Variants in FHL2 observed in about 807,000 individuals in gnomAD.
The protein encoded by FHL2 is four and a half LIM domains protein 2.
In FHL2, 20 loss-of-function variants were observed where a neutral mutation model predicts 32.7. The ratio of observed to expected loss-of-function variants is 0.61; its 90% confidence interval spans 0.43 to 0.89. The LOEUF is 0.89. Among genes scored for constraint, FHL2 ranks in the 40% least tolerant of loss-of-function variants. The pLI is 0.00. For synonymous variants in FHL2, 123 were observed against 128.1 expected (o/e 0.96, Z 0.27); for missense variants, 311 against 358.6 (o/e 0.87, Z 1.07).
At position 105,386,311 on chromosome 2, in the gene FHL2, C is replaced by T. The variant is rs375403307; in HGVS notation, c.156+50G>A. The T allele has an allele frequency of 1.0e-5, 16 of 1,592,830 alleles. No individual in the cohort carries two copies. In the African/African-American group the frequency reaches 1.7e-4, roughly 17 times the overall value. On this transcript the variant is annotated intron_variant, in intron 3 of 6. Transcript: ENST00000530340. ...CTTCAGCACAAACCACAGAGAAACC[C>T]GTGTTTCCTAGGGGAGCGCCGGGGA...
intron 6 of FHL2, chr2:105,363,082 G>A: frequency 1.7e-6 from 1 of 572,858 alleles, no homozygotes; most frequent in Non-Finnish European, 3.2e-6. Context: ...GATCAGGTGG[G>A]CTGCAGAGGA....
chr2:105,411,470 C>A (rs1199903845), intron 1 of FHL2, among the ~76,000 whole-genome samples: 1 of 140,578 alleles, frequency 7.1e-6, no homozygotes, highest in Non-Finnish European at 1.5e-5. Context: ...AGATGGAATT[C>A]TTTTTTCCTA....
At chr2:105,400,266 A>G (rs538867952), upstream of FHL2, among the ~76,000 whole-genome samples, 1 of 152,322 alleles carries the variant, frequency 6.6e-6, no homozygotes, top group African/African-American at 2.4e-5. Flanking sequence ...TAAGTATATT[A>G]CGGGATCAGA....
intron 5 of FHL2, among the ~76,000 whole-genome samples, chr2:105,363,872 A>G (rs1268842298): frequency 6.6e-6 from 1 of 152,206 alleles, no homozygotes; most frequent in Non-Finnish European, 1.5e-5. Context: ...TGTGGCTGGG[A>G]GCAGGTCATG....
chr2:105,407,713 G>A (rs1248664046), intron 1 of FHL2, among the ~76,000 whole-genome samples: 1 of 152,154 alleles, frequency 6.6e-6, no homozygotes, highest in Non-Finnish European at 1.5e-5. Context: ...TGTGCATGTG[G>A]ACGTTCTTGG....
At chr2:105,422,001 G>T (rs1165833431) in intron 1 of FHL2, among the ~76,000 whole-genome samples, 2 of 152,194 alleles carry the variant, frequency 1.3e-5, no homozygotes, top group Non-Finnish European at 2.9e-5. Flanking sequence ...CTGGGGTCCT[G>T]TTGCGTGCAT....
chr2:105,429,569 A>C (rs530951185), intron 1 of FHL2, among the ~76,000 whole-genome samples: 6 of 152,322 alleles, frequency 3.9e-5, no homozygotes, highest in Admixed American at 3.9e-4. Flanking sequence ...GTGGGGAAAC[A>C]TTCCTTCTCT....
chr2:105,381,697 G>A (rs1291700882), intron 3 of FHL2, among the ~76,000 whole-genome samples: 1 of 152,108 alleles, frequency 6.6e-6, no homozygotes, highest in African/African-American at 2.4e-5. Flanking sequence ...TTGTCTTTTA[G>A]GAGGAAATCC....
chr2:105,429,564 G>A (rs1684365672), intron 1 of FHL2, among the ~76,000 whole-genome samples: 1 of 152,194 alleles, frequency 6.6e-6, no homozygotes, highest in African/African-American at 2.4e-5. Context: ...AAAAGGTGGG[G>A]AAACATTCCT....
chr2:105,372,854 G>A (rs560887076), intron 4 of FHL2, among the ~76,000 whole-genome samples: 2 of 152,200 alleles, frequency 1.3e-5, no homozygotes, highest in South Asian at 4.2e-4. Context: ...ACCGCACCCA[G>A]CTTCTTTCTG....
At chr2:105,416,806 T>C (rs1024946509) in intron 1 of FHL2, among the ~76,000 whole-genome samples, 3 of 152,214 alleles carry the variant, frequency 2.0e-5, no homozygotes, top group African/African-American at 7.2e-5. Flanking sequence ...ATGCTAATTT[T>C]CACCTGAAAA....
At chr2:105,389,519 C>T (rs979215167) in intron 2 of FHL2, among the ~76,000 whole-genome samples, 1 of 152,132 alleles carries the variant, frequency 6.6e-6, no homozygotes, top group East Asian at 1.9e-4. Flanking sequence ...GAAATAAGAA[C>T]GATGAAAGGA....
chr2:105,417,891 C>T (rs1226511890), intron 1 of FHL2, among the ~76,000 whole-genome samples: 1 of 151,956 alleles, frequency 6.6e-6, no homozygotes, highest in Non-Finnish European at 1.5e-5. Context: ...ACCTTGATTC[C>T]TGCTAAGGCA....
At chr2:105,428,664 T>C (rs1684334774) in intron 1 of FHL2, among the ~76,000 whole-genome samples, 1 of 152,206 alleles carries the variant, frequency 6.6e-6, no homozygotes, top group African/African-American at 2.4e-5. Context: ...GGCTGGTTCC[T>C]GGAGCTTCTA....
intron 1 of FHL2, among the ~76,000 whole-genome samples, chr2:105,430,251 G>A (rs916398762): frequency 3.9e-5 from 6 of 152,188 alleles, no homozygotes; most frequent in Non-Finnish European, 8.8e-5. Flanking sequence ...GCTTTGAATT[G>A]AAGCACACTG....
At chr2:105,394,416 A>T (rs1028292074) in intron 2 of FHL2, among the ~76,000 whole-genome samples, 1 of 151,638 alleles carries the variant, frequency 6.6e-6, no homozygotes, top group African/African-American at 2.4e-5. Context: ...AAAAAAAAAA[A>T]ATTTATATCA....
At chr2:105,410,455 A>G (rs896490732) in intron 1 of FHL2, among the ~76,000 whole-genome samples, 1 of 152,160 alleles carries the variant, frequency 6.6e-6, no homozygotes, top group African/African-American at 2.4e-5. Flanking sequence ...GTCAGGGGCC[A>G]TGACCCATTT....
chr2:105,368,827 A>G (rs1158720735), intron 4 of FHL2, among the ~76,000 whole-genome samples: 1 of 152,242 alleles, frequency 6.6e-6, no homozygotes, highest in Non-Finnish European at 1.5e-5. Context: ...GGAAATAAGT[A>G]TCAGGGACAA....
intron 4 of FHL2, among the ~76,000 whole-genome samples, chr2:105,372,931 T>TA (rs983353517): frequency 5.9e-5 from 9 of 152,038 alleles, no homozygotes; most frequent in Non-Finnish European, 1.0e-4. Context: ...CTCTCCTACA[T>TA]AAAAAACAAA....
Sources: gnomAD v4.1 joint callset for allele counts (sites outside exome capture counted in the v4.1 genomes callset) on GRCh38, gnomAD v4.1.1 for gene constraint, MANE v1.5 for transcripts, NCBI Gene and HGNC (gene_info 2026-07-23, HGNC 2026-07-21) for gene names.